The following ADAM22 variants were observed in gnomAD, a reference collection of about 807,000 sequenced individuals.
ADAM22 encodes ADAM metallopeptidase domain 22, also known as disintegrin and metalloproteinase domain-containing protein 22.
Under a neutral mutation model 144.6 loss-of-function variants are expected in ADAM22, and 65 were observed. That is an observed-to-expected ratio of 0.45 (90% CI 0.37 to 0.55). The LOEUF is 0.55. Ranked by LOEUF, ADAM22 falls within the 20% of genes least tolerant of loss-of-function variation. The probability of loss-of-function intolerance (pLI) is 0.00; values close to 1 mark genes in which losing one functional copy is unlikely to be tolerated. For synonymous variants in ADAM22, 391 were observed against 412.6 expected, an observed-to-expected ratio of 0.95 and a Z score of 0.63; for missense variants, 974 against 1,184.9, an observed-to-expected ratio of 0.82 and a Z score of 2.61.
At chr7:88,076,456 A>G (rs879352805) in intron 4 of ADAM22, among the ~76,000 whole-genome samples, 2 of 152,186 alleles carry the variant, frequency 1.3e-5, no homozygotes, top group Non-Finnish European at 2.9e-5. Flanking sequence ...ACTTGGGTCC[A>G]GGGTAGGTGT....
At chr7:88,150,610 A>G (rs1185085643) in intron 18 of ADAM22, among the ~76,000 whole-genome samples, 4 of 152,156 alleles carry the variant, frequency 2.6e-5, no homozygotes. Context: ...TTGCTCTGAA[A>G]AATAGTATAT....
chr7:87,969,549 G>A (rs559496567), intron 2 of ADAM22, among the ~76,000 whole-genome samples: 1 of 152,064 alleles, frequency 6.6e-6, no homozygotes, highest in South Asian at 2.1e-4. Flanking sequence ...TAAAAGTGTC[G>A]AATGGACTAT....
intron 31 of ADAM22, 86 bp downstream of exon 31, chr7:88,193,325 TTCC>T: frequency 7.0e-7 from 1 of 1,434,454 alleles, no homozygotes; most frequent in Admixed American, 2.5e-5. Context: ...AGAACCATTT[TTCC>T]TCCCTTGTTC....
At chr7:87,982,068 T>TATATATATATATATATACACACAC (rs1244517564) in intron 3 of ADAM22, among the ~76,000 whole-genome samples, 2 of 93,720 alleles carry the variant, frequency 2.1e-5, no homozygotes, top group East Asian at 3.8e-4. Context: ...TATATATATA[T>TATATATATATATATATACACACAC]ACACACACAC....
At position 88,194,478 on chromosome 7, in the gene ADAM22, G is replaced by C. The variant is rs545310732; in HGVS notation, c.2874+1239G>C. ...AATACACAGCCCCTGTCTCTGGGCTGTCTCTGTGGGCTGTGGAGAGTGGAA... is the reference window on the plus strand; with the variant it reads ...AATACACAGCCCCTGTCTCTGGGCTCTCTCTGTGGGCTGTGGAGAGTGGAA... On this transcript the variant is annotated intron_variant, in intron 31 of 31. Transcript: ENST00000413139. 2.0e-5 allele frequency among the ~76,000 whole-genome samples: 3 copies of C among 152,260 alleles called. 1 individual carries two copies. Among genetic ancestry groups the C allele is most frequent in the Admixed American group, 2.0e-4 (3 of 15,298 alleles).
chr7:88,054,234 GAAATTGCTGAGTCA>G (rs1280706123), intron 3 of ADAM22, among the ~76,000 whole-genome samples: 1 of 152,096 alleles, frequency 6.6e-6, no homozygotes, highest in African/African-American at 2.4e-5. Context: ...TTCCAGAAAT[GAAATTGCTGAGTCA>G]AAGGGAATAC....
Position 87,934,309 on chromosome 7 carries a change from G to A in ADAM22, c.-157G>A. 3.3e-6 allele frequency: 2 copies of A among 615,160 alleles called. No homozygotes were observed. The highest frequency in any genetic ancestry group is 5.4e-6 in the Non-Finnish European group (2 of 370,668). 38.1% of individuals were successfully genotyped at this position (615,160 alleles called of 1,614,324 possible). On this transcript the variant is annotated 5_prime_UTR_variant, in exon 1 of 32. Coordinates refer to ENST00000413139, the MANE Select transcript of ADAM22 (RefSeq NM_001324418.2). ...GCGAAGCACAATGCAGCACTGAGCC[G>A]CGGTGGAGGTTGCAGCGCCACGGCC...
intron 3 of ADAM22, among the ~76,000 whole-genome samples, chr7:88,041,392 G>A (rs1047522919): frequency 6.6e-6 from 1 of 151,712 alleles, no homozygotes; most frequent in Admixed American, 6.6e-5. Context: ...TGCTAGCTTG[G>A]AGTTTTACAT....
At chr7:88,135,332 T>C (rs1398094108) in intron 13 of ADAM22, among the ~76,000 whole-genome samples, 1 of 148,682 alleles carries the variant, frequency 6.7e-6, no homozygotes, top group East Asian at 2.0e-4. Context: ...GTACCTATTA[T>C]ATGCCAGATG....
At chr7:88,066,971 T>C (rs900230811) in intron 3 of ADAM22, among the ~76,000 whole-genome samples, 5 of 152,076 alleles carry the variant, frequency 3.3e-5, no homozygotes, top group African/African-American at 1.2e-4. Flanking sequence ...CCAGATTAGA[T>C]GGGATCTGAT....
intron 7 of ADAM22, among the ~76,000 whole-genome samples, chr7:88,119,491 C>CT (rs1216752515): frequency 6.6e-6 from 1 of 152,100 alleles, no homozygotes; most frequent in African/African-American, 2.4e-5. Context: ...GAATATACCA[C>CT]TTTTTTCAGG....
chr7:87,982,996 A>G (rs1057348212), intron 3 of ADAM22, among the ~76,000 whole-genome samples: 3 of 149,698 alleles, frequency 2.0e-5, no homozygotes, highest in Non-Finnish European at 2.9e-5. Flanking sequence ...TGGCCCAGTT[A>G]TTACATATTT....
Position 88,201,057 on chromosome 7 carries a change from T to C in ADAM22, c.*4566T>C, listed in dbSNP as rs1851170250. 1.3e-5 allele frequency: 2 copies of C among 152,214 alleles called. No individual in the cohort carries two copies. Among genetic ancestry groups the C allele is most frequent in the Admixed American group, 1.3e-4 (2 of 15,284 alleles). The allele number at this position is 152,214 out of a possible 1,614,324, so 9.4% of individuals were successfully genotyped here. A position where few individuals can be genotyped will look rare whatever the true frequency, so the allele number is the denominator to read the frequency against. On this transcript the variant is annotated 3_prime_UTR_variant, in exon 32 of 32. Coordinates refer to ENST00000413139, the MANE Select transcript of ADAM22 (RefSeq NM_001324418.2). ...GTGCTTTTAATTCCAAGAGGAGCTT[T>C]TCTCCCACATCTGCGGATGCAGAAC...
intron 3 of ADAM22, among the ~76,000 whole-genome samples, chr7:88,044,547 A>G (rs535363378): frequency 2.8e-4 from 43 of 151,448 alleles, no homozygotes; most frequent in African/African-American, 9.2e-4. Context: ...CCCGGGTTCA[A>G]TCAATTCTCC....
chr7:88,161,261 A>C (rs546293451), intron 22 of ADAM22, among the ~76,000 whole-genome samples: 1 of 152,008 alleles, frequency 6.6e-6, no homozygotes, highest in South Asian at 2.1e-4. Flanking sequence ...ATAACTGGCT[A>C]GCCATATGCA....
At chr7:88,141,381 C>A (rs1834580232) in intron 14 of ADAM22, among the ~76,000 whole-genome samples, 1 of 151,920 alleles carries the variant, frequency 6.6e-6, no homozygotes, top group Non-Finnish European at 1.5e-5. Flanking sequence ...GGCATGAAGC[C>A]CTTTAAAAAT....
intron 3 of ADAM22, among the ~76,000 whole-genome samples, chr7:88,011,502 T>C (rs1194924036): frequency 6.7e-6 from 1 of 148,336 alleles, no homozygotes; most frequent in Admixed American, 6.8e-5. Flanking sequence ...ATCGCACCAC[T>C]GCACTCCAGC....
At chr7:87,944,925 A>G (rs761984160) in intron 2 of ADAM22, among the ~76,000 whole-genome samples, 1 of 109,476 alleles carries the variant, frequency 9.1e-6, no homozygotes, top group Non-Finnish European at 1.7e-5. Context: ...TTCCTATTCT[A>G]TATGTGTGTG....
At chr7:88,160,044 A>G (rs1191029842) in intron 22 of ADAM22, among the ~76,000 whole-genome samples, 1 of 152,190 alleles carries the variant, frequency 6.6e-6, no homozygotes, top group Non-Finnish European at 1.5e-5. Context: ...CTGATAAACA[A>G]CTTCAGCAAA....
Sources: allele counts gnomAD v4.1 joint callset (sites outside exome capture counted in the v4.1 genomes callset), GRCh38; gene constraint gnomAD v4.1.1; transcripts MANE v1.5; gene names NCBI Gene and HGNC (gene_info 2026-07-23, HGNC 2026-07-21).